Variants in SP6 observed in about 807,000 individuals in gnomAD.
The protein encoded by SP6 is transcription factor Sp6.
Under a neutral mutation model 23.4 loss-of-function variants are expected in SP6, and 10 were observed. That is an observed-to-expected ratio of 0.43 (90% CI 0.26 to 0.72). The LOEUF (loss-of-function observed/expected upper bound fraction) is 0.72. Ranked by LOEUF, SP6 falls within the 30% of genes least tolerant of loss-of-function variation. The pLI, the probability that SP6 is intolerant of heterozygous loss-of-function variation, is 0.23. For synonymous variants in SP6, 238 were observed against 238.7 expected (o/e 1.00, Z 0.03); for missense variants, 482 against 523.8 (o/e 0.92, Z 0.78).
At position 47,844,946 on chromosome 17, in the gene SP6, G is replaced by A. The variant is rs1244530285; in HGVS notation, c.*2353C>T. 6.6e-6 allele frequency: 1 copy of A among 152,620 alleles called. No individual in the cohort carries two copies. The highest frequency in any genetic ancestry group is 6.5e-5 in the Admixed American group (1 of 15,282). 9.5% of individuals were successfully genotyped at this position (152,620 alleles called of 1,614,324 possible). ...ATGACTTTATTGCATAAAAAACACAGGCTGTTTCTCCCTCCTCCTACCCCC... is the reference window on the plus strand; with the variant it reads ...ATGACTTTATTGCATAAAAAACACAAGCTGTTTCTCCCTCCTCCTACCCCC... On this transcript the variant is annotated 3_prime_UTR_variant, in exon 2 of 2. Transcript: ENST00000536300.
upstream of SP6, among the ~76,000 whole-genome samples, chr17:47,852,069 G>T (rs1434464790): frequency 6.6e-6 from 1 of 152,018 alleles, no homozygotes; most frequent in East Asian, 1.9e-4. Flanking sequence ...ATGGGCAGGC[G>T]CCTGAATGGC....
upstream of SP6, among the ~76,000 whole-genome samples, chr17:47,859,157 C>A (rs1168722696): frequency 1.3e-5 from 2 of 152,132 alleles, no homozygotes; most frequent in Non-Finnish European, 2.9e-5. Flanking sequence ...ATGTGTCATC[C>A]AGGACCCTCC....
the SP6 span, among the ~76,000 whole-genome samples, chr17:47,865,650 T>C: frequency 6.6e-6 from 1 of 152,162 alleles, no homozygotes; most frequent in Non-Finnish European, 1.5e-5. Context: ...GTGGGTTCTC[T>C]TCCAGGCCAG....
chr17:47,870,670 T>G, the SP6 span, among the ~76,000 whole-genome samples: 2 of 152,120 alleles, frequency 1.3e-5, no homozygotes, highest in African/African-American at 4.8e-5. Flanking sequence ...CACCCAAGCA[T>G]GAACACATGG....
the SP6 span, among the ~76,000 whole-genome samples, chr17:47,873,574 A>G: frequency 6.6e-6 from 1 of 152,126 alleles, no homozygotes; most frequent in Non-Finnish European, 1.5e-5. Flanking sequence ...AGAGTTACTT[A>G]TCTTCTCCAA....
At chr17:47,871,255 G>A in the SP6 span, among the ~76,000 whole-genome samples, 1 of 152,182 alleles carries the variant, frequency 6.6e-6, no homozygotes, top group Non-Finnish European at 1.5e-5. Flanking sequence ...TCAGCTATCT[G>A]CCTGCATCTG....
the SP6 span, among the ~76,000 whole-genome samples, chr17:47,867,758 G>A: frequency 0.017 from 2,632 of 152,256 alleles, 67 homozygotes; most frequent in African/African-American, 0.055. Flanking sequence ...CCCATTCTGG[G>A]GAAGAAAATG....
the SP6 span, among the ~76,000 whole-genome samples, chr17:47,875,251 C>A: frequency 6.6e-6 from 1 of 152,174 alleles, no homozygotes; most frequent in Admixed American, 6.5e-5. Flanking sequence ...CCCGGGGGGG[C>A]CTGAGAACCC....
the SP6 span, among the ~76,000 whole-genome samples, chr17:47,867,022 G>C: frequency 6.6e-6 from 1 of 152,182 alleles, no homozygotes; most frequent in Non-Finnish European, 1.5e-5. Flanking sequence ...AATGGGCCGG[G>C]CTGGCAGGAA....
At chr17:47,869,235 T>C in the SP6 span, among the ~76,000 whole-genome samples, 1 of 152,192 alleles carries the variant, frequency 6.6e-6, no homozygotes. Context: ...CCAAGGACAA[T>C]GGCCCTAGGC....
rs774406341 is a variant in SP6 at position 47,847,442 on chromosome 17, C to T, written c.988G>A (p.Ala330Thr). The change falls in exon 2 of 2, where the codon GCC (alanine) becomes ACC (threonine). Residue 330 changes from alanine (A) to threonine (T), a missense_variant. Ala to Thr is a moderately conservative substitution (Grantham distance 58). This residue lies in a region of SP6 where 101 missense variants were observed against 99.3 expected (regional missense o/e 1.02). Transcript: ENST00000536300. ...CCCTCGTGGGTTTTCATGTGCTTGG[C>T]CAGGTGGTCGCTGCGCATGAAGACG... ...SRVFMRSDHL[A>T]KHMKTHEGAK... 3.7e-6 allele frequency: 6 copies of T among 1,613,600 alleles called. No homozygotes were observed. In the African/African-American group the frequency reaches 8.0e-5, roughly 22 times the overall value.
At chr17:47,869,983 C>T in the SP6 span, among the ~76,000 whole-genome samples, 1 of 152,166 alleles carries the variant, frequency 6.6e-6, no homozygotes, top group East Asian at 1.9e-4. Flanking sequence ...TTGTCTCTTT[C>T]CTCAGTTGGA....
At chr17:47,868,110 C>T in the SP6 span, among the ~76,000 whole-genome samples, 4,247 of 152,176 alleles carry the variant, frequency 0.028, 197 homozygotes, top group African/African-American at 0.096. Context: ...ACACTGTGGC[C>T]GCAGCAGCCC....
chr17:47,857,672 C>T (rs1188570105), upstream of SP6, among the ~76,000 whole-genome samples: 1 of 152,184 alleles, frequency 6.6e-6, no homozygotes, highest in Non-Finnish European at 1.5e-5. Context: ...CCTCTATTCG[C>T]ACCTCCAGAC....
At chr17:47,855,291 C>T (rs546878639), upstream of SP6, among the ~76,000 whole-genome samples, 9 of 152,294 alleles carry the variant, frequency 5.9e-5, no homozygotes, top group African/African-American at 2.2e-4. Flanking sequence ...TGCAGTTCCC[C>T]ATAGGATGTG....
the SP6 span, among the ~76,000 whole-genome samples, chr17:47,873,153 C>A: frequency 6.6e-6 from 1 of 152,116 alleles, no homozygotes; most frequent in African/African-American, 2.4e-5. Context: ...TCTTTTATCT[C>A]CCCTTCAAAA....
chr17:47,856,168 G>A (rs1196535157), upstream of SP6, among the ~76,000 whole-genome samples: 1 of 152,186 alleles, frequency 6.6e-6, no homozygotes, highest in East Asian at 1.9e-4. Flanking sequence ...CTTCAAGTCA[G>A]TTCCTCCTTG....
chr17:47,860,611 C>T (rs112885320), upstream of SP6, among the ~76,000 whole-genome samples: 3,891 of 151,992 alleles, frequency 0.026, 149 homozygotes, highest in African/African-American at 0.077. Context: ...TGCCTGTAAC[C>T]CCAGCACTTT....
upstream of SP6, among the ~76,000 whole-genome samples, chr17:47,860,053 G>A (rs2034024756): frequency 6.6e-6 from 1 of 151,078 alleles, no homozygotes; most frequent in African/African-American, 2.4e-5. Flanking sequence ...TTACCTACAG[G>A]AGAAAATCTA....
Sources: allele counts gnomAD v4.1 joint callset (sites outside exome capture counted in the v4.1 genomes callset), GRCh38; gene constraint gnomAD v4.1.1; regional missense constraint gnomAD v4.1.1; transcripts MANE v1.5; gene names NCBI Gene and HGNC (gene_info 2026-07-23, HGNC 2026-07-21).